The following ADGRB3 variants were observed in gnomAD, a reference collection of about 807,000 sequenced individuals.
ADGRB3 encodes the protein brain-specific angiogenesis inhibitor 3.
Under a neutral mutation model 193.4 loss-of-function variants are expected in ADGRB3, and 37 were observed. The ratio of observed to expected loss-of-function variants is 0.19; its 90% CI spans 0.15 to 0.25. ADGRB3 has a LOEUF of 0.25. Among genes scored for constraint, ADGRB3 ranks in the 10% least tolerant of loss-of-function variants. The pLI is 1.00. For missense variants in ADGRB3, 1,637 were observed against 1,852.9 expected (o/e 0.88, Z 2.14); for synonymous variants, 690 against 644.2 (o/e 1.07, Z -1.08).
At chr6:68,897,416 GGGAGGGAGAAAGGAAGGAA>G (rs1766249639) in intron 3 of ADGRB3, among the ~76,000 whole-genome samples, 1 of 136,004 alleles carries the variant, frequency 7.4e-6, no homozygotes, top group Non-Finnish European at 1.6e-5. Context: ...GAGGGAGGGA[GGGAGGGAGAAAGGAAGGAA>G]GGATTGAAGG....
chr6:68,998,088 ATTC>A (rs1169741989), intron 11 of ADGRB3, among the ~76,000 whole-genome samples: 1 of 152,202 alleles, frequency 6.6e-6, no homozygotes, highest in Admixed American at 6.5e-5. Context: ...TTAGTACAAT[ATTC>A]TTCTTTCATT....
At chr6:69,317,461 G>A (rs534783901) in intron 20 of ADGRB3, among the ~76,000 whole-genome samples, 1 of 151,578 alleles carries the variant, frequency 6.6e-6, no homozygotes, top group African/African-American at 2.4e-5. Context: ...ACAATGCTGA[G>A]CTGTGTTGGC....
rs544633046 is a variant in ADGRB3, at chr6:68,803,294, G to T, written c.758-127265G>T. Among the ~76,000 whole-genome samples the T allele has an allele frequency of 6.2e-4, 95 of 152,238 alleles. 4 individuals carry two copies. In the South Asian group the frequency reaches 0.018, roughly 30 times the overall value. On this transcript the variant is annotated intron_variant, in intron 3 of 31. Coordinates refer to ENST00000370598, the MANE Select transcript of ADGRB3 (RefSeq NM_001704.3). ...ACAGGACCCTCCAGGCTATCCACCT[G>T]TTCCTTTTCCTCTCCAGAGTTCCAT...
chr6:69,281,083 A>C (rs1767425275), intron 20 of ADGRB3, among the ~76,000 whole-genome samples: 1 of 152,190 alleles, frequency 6.6e-6, no homozygotes, highest in Non-Finnish European at 1.5e-5. Context: ...AGGCAGCCTC[A>C]CAGCATTTAA....
intron 24 of ADGRB3, among the ~76,000 whole-genome samples, chr6:69,335,741 A>G (rs948376053): frequency 2.0e-4 from 30 of 152,086 alleles, no homozygotes; most frequent in African/African-American, 4.1e-4. Context: ...TTGACAACCA[A>G]TCCTCCTAAT....
At chr6:68,901,757 T>A (rs1215251548) in intron 3 of ADGRB3, among the ~76,000 whole-genome samples, 1 of 152,094 alleles carries the variant, frequency 6.6e-6, no homozygotes, top group Non-Finnish European at 1.5e-5. Flanking sequence ...AAAATAATCT[T>A]AAACAGAAAA....
chr6:69,136,646 T>A (rs1774157795), intron 17 of ADGRB3, among the ~76,000 whole-genome samples: 1 of 151,948 alleles, frequency 6.6e-6, no homozygotes, highest in African/African-American at 2.4e-5. Context: ...TTTTTTTTCT[T>A]CTTCAAAATG....
chr6:69,007,836 C>T (rs1413016103), intron 11 of ADGRB3, among the ~76,000 whole-genome samples: 2 of 151,962 alleles, frequency 1.3e-5, no homozygotes, highest in Non-Finnish European at 2.9e-5. Context: ...TAATTGGTAA[C>T]GAATAAAAAT....
intron 3 of ADGRB3, among the ~76,000 whole-genome samples, chr6:68,881,623 C>G (rs144424002): frequency 6.6e-6 from 1 of 152,248 alleles, no homozygotes; most frequent in Non-Finnish European, 1.5e-5. Context: ...CAAAGAGAGT[C>G]AGTCGGGAAC....
chr6:68,887,390 T>C (rs956927856), intron 3 of ADGRB3, among the ~76,000 whole-genome samples: 1 of 152,116 alleles, frequency 6.6e-6, no homozygotes, highest in Non-Finnish European at 1.5e-5. Flanking sequence ...CATTATTTTA[T>C]GTGTATTGGT....
chr6:69,223,339 C>A (rs1377961378), intron 17 of ADGRB3, among the ~76,000 whole-genome samples: 1 of 152,144 alleles, frequency 6.6e-6, no homozygotes, highest in Non-Finnish European at 1.5e-5. Context: ...CATCCCAGAA[C>A]TAATGAAGCA....
At chr6:69,364,389 AAAG>A (rs373713766) in intron 29 of ADGRB3, among the ~76,000 whole-genome samples, 52 of 152,166 alleles carry the variant, frequency 3.4e-4, no homozygotes, top group African/African-American at 1.1e-3. Context: ...AGCAACAAAG[AAAG>A]AAGGAGGCTC....
chr6:68,640,182 T>C (rs1768052318), intron 3 of ADGRB3, among the ~76,000 whole-genome samples: 1 of 152,060 alleles, frequency 6.6e-6, no homozygotes, highest in African/African-American at 2.4e-5. Context: ...TAAGACCCCA[T>C]CCTCCTCTTG....
At chr6:69,208,634 G>C (rs1201512960) in intron 17 of ADGRB3, among the ~76,000 whole-genome samples, 2 of 152,194 alleles carry the variant, frequency 1.3e-5, no homozygotes, top group Non-Finnish European at 2.9e-5. Flanking sequence ...GCAAGCCCTA[G>C]TCTTTTCTTC....
chr6:69,283,109 A>G (rs1201401997), intron 20 of ADGRB3, among the ~76,000 whole-genome samples: 1 of 152,242 alleles, frequency 6.6e-6, no homozygotes, highest in African/African-American at 2.4e-5. Context: ...TCAGGATGTC[A>G]GAAGTGGAAT....
At chr6:68,852,850 A>G (rs1268790864) in intron 3 of ADGRB3, among the ~76,000 whole-genome samples, 1 of 151,990 alleles carries the variant, frequency 6.6e-6, no homozygotes, top group Admixed American at 6.6e-5. Flanking sequence ...ATTTTGTTAG[A>G]ATTTTGTTTT....
intron 3 of ADGRB3, among the ~76,000 whole-genome samples, chr6:68,872,958 C>A (rs545096532): frequency 2.0e-4 from 30 of 152,092 alleles, no homozygotes; most frequent in African/African-American, 7.0e-4. Flanking sequence ...CAACAAAATG[C>A]CAGATAAAGT....
chr6:68,826,140 T>C (rs978664554), intron 3 of ADGRB3, among the ~76,000 whole-genome samples: 2 of 152,186 alleles, frequency 1.3e-5, no homozygotes, highest in African/African-American at 4.8e-5. Context: ...CAAAACCTCC[T>C]GCTCTTAGAA....
chr6:69,121,058 G>A (rs1431419176), intron 17 of ADGRB3, among the ~76,000 whole-genome samples: 1 of 150,780 alleles, frequency 6.6e-6, no homozygotes, highest in Non-Finnish European at 1.5e-5. Context: ...TCAGAGAGGG[G>A]GATGTGGCAG....
Sources: gnomAD v4.1 joint callset for allele counts (sites outside exome capture counted in the v4.1 genomes callset) on GRCh38, gnomAD v4.1.1 for gene constraint, MANE v1.5 for transcripts, NCBI Gene and HGNC (gene_info 2026-07-23, HGNC 2026-07-21) for gene names.